HECTD2: variants seen among roughly 807,000 people sequenced by gnomAD.
The protein encoded by HECTD2 is probable E3 ubiquitin-protein ligase HECTD2.
In HECTD2, 35 loss-of-function variants were observed where a neutral mutation model predicts 103.2. The observed-to-expected ratio is 0.34, with a 90% CI of 0.26 to 0.45. The LOEUF (loss-of-function observed/expected upper bound fraction) is 0.45. Ranked by LOEUF, HECTD2 falls within the 20% of genes least tolerant of loss-of-function variation. HECTD2 has a pLI of 1.00. For missense variants in HECTD2, 596 were observed against 937.4 expected (o/e 0.64, Z 4.76); for synonymous variants, 281 against 329.9 (o/e 0.85, Z 1.61).
intron 2 of HECTD2, among the ~76,000 whole-genome samples, chr10:91,426,850 AT>A (rs113195755): frequency 1.9e-4 from 29 of 150,348 alleles, no homozygotes; most frequent in African/African-American, 5.9e-4. Flanking sequence ...AACTTGGGGT[AT>A]TTTTTTTTAT....
intron 4 of HECTD2, among the ~76,000 whole-genome samples, chr10:91,461,747 C>T (rs745378141): frequency 5.9e-5 from 9 of 152,010 alleles, no homozygotes; most frequent in Non-Finnish European, 1.2e-4. Context: ...CAGGGTTTCA[C>T]CATGTTGGCC....
At chr10:91,441,901 T>C (rs1317536301) in intron 2 of HECTD2, among the ~76,000 whole-genome samples, 5 of 131,408 alleles carry the variant, frequency 3.8e-5, no homozygotes, top group Admixed American at 6.9e-5. Context: ...TTTTTTTTTT[T>C]TTTTTTCTTT....
At chr10:91,437,523 G>A (rs1023367236) in intron 2 of HECTD2, among the ~76,000 whole-genome samples, 2 of 151,616 alleles carry the variant, frequency 1.3e-5, no homozygotes, top group Middle Eastern at 3.5e-3. Context: ...AAAGGGAGGC[G>A]AATTAGACTC....
chr10:91,458,574 A>G (rs1845211470), intron 2 of HECTD2, among the ~76,000 whole-genome samples: 1 of 152,036 alleles, frequency 6.6e-6, no homozygotes, highest in African/African-American at 2.4e-5. Context: ...AGGAAGAGAT[A>G]CAAGGATTGA....
intron 2 of HECTD2, among the ~76,000 whole-genome samples, chr10:91,454,554 G>A (rs1336480560): frequency 4.0e-5 from 6 of 151,664 alleles, no homozygotes; most frequent in Admixed American, 3.9e-4. Context: ...TCATGCATAC[G>A]TTAGAAAGGT....
intron 5 of HECTD2, among the ~76,000 whole-genome samples, chr10:91,464,347 T>C (rs1438349516): frequency 6.6e-6 from 1 of 152,202 alleles, no homozygotes; most frequent in Non-Finnish European, 1.5e-5. Context: ...TGCTGGTTGC[T>C]GTCAGTAAGA....
intron 2 of HECTD2, among the ~76,000 whole-genome samples, chr10:91,437,009 A>C (rs1844145887): frequency 1.3e-5 from 2 of 151,910 alleles, no homozygotes; most frequent in South Asian, 4.2e-4. Context: ...TAACCTGAAA[A>C]ACCTCCCTTT....
chr10:91,444,889 G>T lies in HECTD2; in HGVS notation c.269-15538G>T, dbSNP rs145162657. Among the ~76,000 whole-genome samples, 279 of 152,246 alleles carry T rather than the reference G, an allele frequency of 1.8e-3. 1 individual carries two copies. Among genetic ancestry groups the T allele is most frequent in the African/African-American group, 6.1e-3 (252 of 41,558 alleles). ...TTTAGGGTTCATTCAGCGAACTTAT[G>T]AACACTGTGCTGAACTGATAAGCAG... On this transcript the variant is annotated intron_variant, in intron 2 of 20. Coordinates refer to ENST00000298068, the MANE Select transcript of HECTD2 (RefSeq NM_182765.6).
chr10:91,451,484 C>A (rs1269546478), intron 2 of HECTD2, among the ~76,000 whole-genome samples: 1 of 151,718 alleles, frequency 6.6e-6, no homozygotes, highest in Non-Finnish European at 1.5e-5. Context: ...CAAACCTGCA[C>A]GTTCTGCACA....
chr10:91,506,139 T>G (rs1847157198), intron 20 of HECTD2, among the ~76,000 whole-genome samples: 1 of 151,246 alleles, frequency 6.6e-6, no homozygotes, highest in Non-Finnish European at 1.5e-5. Context: ...TAGAGGGAAA[T>G]TTATAGCACT....
intron 8 of HECTD2, among the ~76,000 whole-genome samples, chr10:91,483,861 G>A (rs901747428): frequency 4.0e-5 from 6 of 151,646 alleles, no homozygotes; most frequent in Non-Finnish European, 8.8e-5. Flanking sequence ...TTGAACTCAC[G>A]GCTAGCAGCA....
chr10:91,485,118 A>G, intron 9 of HECTD2, 62 bp from the exon 10 acceptor site: 1 of 1,155,878 alleles, frequency 8.7e-7, no homozygotes, highest in Non-Finnish European at 1.2e-6. Context: ...TGATGTTTTT[A>G]TTATTAGAAT....
intron 15 of HECTD2, among the ~76,000 whole-genome samples, chr10:91,497,757 A>G (rs540005781): frequency 4.1e-4 from 62 of 152,334 alleles, no homozygotes; most frequent in African/African-American, 1.5e-3. Context: ...GCAGATTTTC[A>G]TAGGAATATA....
intron 20 of HECTD2, among the ~76,000 whole-genome samples, chr10:91,507,244 T>G (rs1437989302): frequency 0.011 from 1,639 of 151,084 alleles, 31 homozygotes; most frequent in African/African-American, 0.038. Context: ...TCACCACTCC[T>G]ATTCAACATA....
chr10:91,503,855 C>T (rs529866833), intron 20 of HECTD2, among the ~76,000 whole-genome samples: 431 of 152,334 alleles, frequency 2.8e-3, no homozygotes, highest in African/African-American at 9.7e-3. Flanking sequence ...CAGCAGTAAC[C>T]TCTGCAGACT....
In HECTD2 at chr10:91,469,067, TAAA is replaced by T. The variant is rs202191521; in HGVS notation, c.600+6884_600+6886del. 9.1e-3 allele frequency among the ~76,000 whole-genome samples: 1,353 copies of T among 148,976 alleles called. 16 individuals carry two copies. Among genetic ancestry groups the T allele is most frequent in the African/African-American group, 0.032 (1,274 of 40,278 alleles). On this transcript the variant is annotated intron_variant, in intron 5 of 20. Transcript: ENST00000298068. The stretch of plus-strand genomic sequence containing the variant: ...AGCTCAGTCAGACAAAAATAAAAAA[TAAA>T]GAAGAATGAACAAAGGCTCCAAGAA...
At chr10:91,461,010 A>C (rs1246912586) in intron 3 of HECTD2, among the ~76,000 whole-genome samples, 2 of 152,190 alleles carry the variant, frequency 1.3e-5, no homozygotes, top group East Asian at 1.9e-4. Flanking sequence ...GGAAGGAAGG[A>C]GCGATAATTG....
chr10:91,510,325 C>A (rs1847373379), intron 20 of HECTD2, among the ~76,000 whole-genome samples: 1 of 152,172 alleles, frequency 6.6e-6, no homozygotes, highest in Admixed American at 6.5e-5. Context: ...CTCTGGTTGT[C>A]CTTAAGCAGC....
intron 16 of HECTD2, 111 bp downstream of exon 16, chr10:91,498,293 C>A: frequency 2.8e-6 from 2 of 726,378 alleles, no homozygotes; most frequent in South Asian, 1.7e-5. Flanking sequence ...TTAACCAATA[C>A]ATACAATCCT....
Sources: gnomAD v4.1 joint callset for allele counts (sites outside exome capture counted in the v4.1 genomes callset) on GRCh38, gnomAD v4.1.1 for gene constraint, MANE v1.5 for transcripts, NCBI Gene and HGNC (gene_info 2026-07-23, HGNC 2026-07-21) for gene names.